The following RIN1 variants were observed in gnomAD, a reference collection of about 807,000 sequenced individuals.
The protein encoded by RIN1 is Ras and Rab interactor 1.
A neutral mutation model predicts 64.9 loss-of-function variants in RIN1; 52 were observed. The observed-to-expected ratio is 0.80, with a 90% confidence interval of 0.64 to 1.01. The LOEUF (loss-of-function observed/expected upper bound fraction) is 1.01. RIN1 is among the 50% of genes least tolerant of loss of function. The pLI is 0.00. For synonymous variants in RIN1, 486 were observed against 483.6 expected, an observed-to-expected ratio of 1.00 and a Z score of -0.06; for missense variants, 1,040 against 1,064.5, an observed-to-expected ratio of 0.98 and a Z score of 0.32.
chr11:66,335,734 G>A (rs1431525160), intron 3 of RIN1, 28 bp downstream of exon 3: 1 of 1,611,656 alleles, frequency 6.2e-7, no homozygotes, highest in African/African-American at 1.3e-5. Flanking sequence ...CCTGCTTCCA[G>A]CCCCTTCCCG....
chr11:66,335,483 GA>G lies in RIN1; in HGVS notation c.470del (p.Leu157ProfsTer50), dbSNP rs781207056. 2.0e-5 allele frequency: 32 copies of G among 1,613,236 alleles called. No homozygotes were observed. The highest frequency in any genetic ancestry group is 2.7e-5 in the Non-Finnish European group (32 of 1,179,366). On this transcript the variant is annotated frameshift_variant, in exon 5 of 10. Coordinates refer to ENST00000311320, the MANE Select transcript of RIN1 (RefSeq NM_004292.3). LOFTEE classifies it high-confidence loss of function. ...GGATGGCTCTGGGGAGCTGCAGCGG[GA>G]GGAGAAGGATGTCCCTGAGGCCAGA... Reference protein sequence around the residue: ...AYCHTRDILLLPLQLPRAIHH... With the variant: ...AYCHTRDILLXPLQLPRAIHH...
intron 7 of RIN1, 52 bp from the exon 8 acceptor site, chr11:66,333,710 G>A (rs757348474): frequency 8.3e-6 from 13 of 1,565,874 alleles, no homozygotes; most frequent in Admixed American, 3.8e-5. Context: ...CTTGCTTTAG[G>A]CAGTGACCCC....
chr11:66,336,016 C>T lies in RIN1; in HGVS notation c.229G>A (p.Ala77Thr). The T allele has an allele frequency of 1.4e-6, 2 of 1,467,106 alleles. No individual in the cohort carries two copies. Among genetic ancestry groups the T allele is most frequent in the Admixed American group, 2.7e-5 (1 of 37,228 alleles). The allele number at this position is 1,467,106 out of a possible 1,614,324, so 90.9% of individuals were successfully genotyped here. ...GTCCTCAGCATGTGCAGTGCGGCCG[C>T]TGCGTTGGCTTGCAGCTGCAGCCAC... Reference protein sequence around the residue: ...PVWLQLQANAAAALHMLRTEP... With the variant: ...PVWLQLQANATAALHMLRTEP... The change falls in exon 2 of 10, where the codon GCG (alanine) becomes ACG (threonine). Residue 77 changes from alanine to threonine, a missense_variant. Ala to Thr is a moderately conservative substitution (Grantham distance 58, BLOSUM62 0). Transcript: ENST00000311320.
Position 66,334,784 on chromosome 11 carries a change from G to T in RIN1, c.1015C>A (p.His339Asn), listed in dbSNP as rs772706135. 3.0e-5 allele frequency: 46 copies of T among 1,548,222 alleles called. No homozygotes were observed. The highest frequency in any genetic ancestry group is 5.9e-5 in the Admixed American group (3 of 51,124). Residue 339 changes from histidine (H) to asparagine (N), a missense_variant, in exon 6 of 10, where the codon CAC (histidine) becomes AAC (asparagine). By Grantham distance (68) the His-to-Asn change is moderately conservative. Coordinates refer to ENST00000311320, the MANE Select transcript of RIN1 (RefSeq NM_004292.3). ...AGCAGAGGTCGTCGGCGGCCCAGGT[G>T]GGGTGAGGTCGCTGGGCTCCCCCGG... is the stretch of plus-strand genomic sequence containing the variant. Reference protein sequence around the residue: ...GSRGSPATSPHLGRRRPLLRS... With the variant: ...GSRGSPATSPNLGRRRPLLRS...
chr11:66,334,584 C>T lies in RIN1; in HGVS notation c.1215G>A (p.Ala405=), dbSNP rs148929007. 1.6e-5 allele frequency: 25 copies of T among 1,584,120 alleles called. No individual in the cohort carries two copies. Among genetic ancestry groups the T allele is most frequent in the South Asian group, 9.2e-5 (8 of 86,938 alleles). Residue 405 remains alanine, a synonymous_variant, in exon 6 of 10, where the codon GCG becomes GCA. Coordinates refer to ENST00000311320, the MANE Select transcript of RIN1 (RefSeq NM_004292.3). The part of the protein sequence containing the change: ...EPQELQGIRQ[A]LSRARAMLSA... Reference sequence around the variant, plus strand: ...TCAGCATGGCCCGGGCCCGGCTCAGCGCCTGACGGATGCCCTGCAGCTCCT... The same window carrying T: ...TCAGCATGGCCCGGGCCCGGCTCAGTGCCTGACGGATGCCCTGCAGCTCCT...
Position 66,332,526 on chromosome 11 carries a change from T to C in RIN1, c.2102A>G (p.Tyr701Cys). ...HRLPTTGYLVYRRAEWPETQG... is the reference protein window; with the variant it reads ...HRLPTTGYLVCRRAEWPETQG... ...GGTCTCAGGCCACTCCGCCCGGCGG[T>C]AGACGAGGTAGCCAGTGGTGGGCAG... The change falls in exon 10 of 10, where the codon TAC becomes TGC. Residue 701 changes from tyrosine to cysteine, a missense_variant. By Grantham distance (194) the Tyr-to-Cys change is radical (BLOSUM62 -2). Coordinates refer to ENST00000311320, the MANE Select transcript of RIN1 (RefSeq NM_004292.3). 6.2e-7 allele frequency: 1 copy of C among 1,613,644 alleles called. No homozygotes were observed.
intron 9 of RIN1, 140 bp downstream of exon 9, chr11:66,333,118 C>T: frequency 9.5e-7 from 1 of 1,049,544 alleles, no homozygotes; most frequent in Non-Finnish European, 1.4e-6. Flanking sequence ...AAGTAACTCG[C>T]CCAAGTCCCC....
At chr11:66,335,564 A>C (rs756387843) in intron 4 of RIN1, 46 bp downstream of exon 4, 15 of 1,612,514 alleles carry the variant, frequency 9.3e-6, no homozygotes, top group Non-Finnish European at 1.3e-5. Flanking sequence ...GGGCTGTCCC[A>C]AGGAGCAGGG....
In RIN1 at chr11:66,332,580, C is replaced by T. The variant is rs146411780; in HGVS notation, c.2048G>A (p.Arg683His). 20 of 1,611,152 alleles carry T rather than the reference C, an allele frequency of 1.2e-5. No individual in the cohort carries two copies. Among genetic ancestry groups the T allele is most frequent in the East Asian group, 2.2e-5 (1 of 44,844 alleles). Residue 683 changes from arginine (R) to histidine (H), a missense_variant, in exon 10 of 10, where the codon CGC becomes CAC. Physicochemically the swap from Arg to His is conservative, Grantham distance 29 (BLOSUM62 0). Coordinates refer to ENST00000311320, the MANE Select transcript of RIN1 (RefSeq NM_004292.3). ...LFLYKEQGYH[R>H]LPPGALAHRL... ...GTGGGCCAGGGCCCCAGGGGGCAGG[C>T]GGTGGTAGCCCTGCTCCTTGTACAG...
chr11:66,333,051 G>A (rs1213507662), intron 9 of RIN1: 1 of 626,734 alleles, frequency 1.6e-6, no homozygotes, highest in Admixed American at 2.9e-5. Context: ...CTCAACCCCA[G>A]GAGGTAGGTC....
chr11:66,335,896 A>C lies in RIN1; in HGVS notation c.268-20T>G. The C allele has an allele frequency of 6.5e-7, 1 of 1,540,748 alleles. No individual in the cohort carries two copies. Among genetic ancestry groups the C allele is most frequent in the Non-Finnish European group, 8.7e-7 (1 of 1,143,196 alleles). The stretch of plus-strand genomic sequence containing the variant: ...GAACGTCTGCAAGTGGATAGGGCTC[A>C]GGCAGCTCAGGACCTTGGCGTCCCA... On this transcript the variant is annotated intron_variant, in intron 2 of 9. Transcript: ENST00000311320.
chr11:66,335,766 A>G lies in RIN1; in HGVS notation c.378T>C (p.Pro126=). The G allele has an allele frequency of 6.2e-7, 1 of 1,613,006 alleles. No homozygotes were observed. The highest frequency in any genetic ancestry group is 8.5e-7 in the Non-Finnish European group (1 of 1,179,582). ...CCCGCCAGGCCAGCCCCTCACCGCCAGGGCTCTCCAGGATGTAGTGGCTGG... is the reference window on the plus strand; with the variant it reads ...CCCGCCAGGCCAGCCCCTCACCGCCGGGGCTCTCCAGGATGTAGTGGCTGG... ...FVSSHYILES[P]GGVSLEGSEL... Residue 126 remains proline (P), a synonymous_variant, in exon 3 of 10, where the codon CCT becomes CCC. Coordinates refer to ENST00000311320, the MANE Select transcript of RIN1 (RefSeq NM_004292.3).
In RIN1 at chr11:66,335,067, G is replaced by A. The variant is rs1472073831; in HGVS notation, c.732C>T (p.Ser244=). The change falls in exon 6 of 10, where the codon AGC becomes AGT. Residue 244 remains serine (S), a synonymous_variant. Coordinates refer to ENST00000311320, the MANE Select transcript of RIN1 (RefSeq NM_004292.3). ...TCTCTGTGGACACGCGCACTTTGAA[G>A]CTTCTCTTGAATTTCTCCCGCTTGG... ...GPTKREKFKR[S]FKVRVSTETS... is the part of the protein sequence containing the mutation. 1.3e-6 allele frequency: 2 copies of A among 1,527,140 alleles called. No individual in the cohort carries two copies. Among genetic ancestry groups the A allele is most frequent in the Admixed American group, 2.2e-5 (1 of 44,964 alleles). The allele number at this position is 1,527,140 out of a possible 1,614,324, so 94.6% of individuals were successfully genotyped here.
At position 66,334,802 on chromosome 11, in the gene RIN1, T is replaced by C; in HGVS notation, c.997A>G (p.Ser333Gly). The C allele has an allele frequency of 6.5e-7, 1 of 1,547,052 alleles. No homozygotes were observed. The highest frequency in any genetic ancestry group is 1.2e-5 in the South Asian group (1 of 84,296). ...EEEGVPGSRG[S>G]PATSPHLGRR... Reference sequence around the variant, plus strand: ...CCCAGGTGGGGTGAGGTCGCTGGGCTCCCCCGGGACCCTGGCACCCCCTCC... The same window carrying C: ...CCCAGGTGGGGTGAGGTCGCTGGGCCCCCCCGGGACCCTGGCACCCCCTCC... Residue 333 changes from serine (S) to glycine (G), a missense_variant, in exon 6 of 10, where the codon AGC becomes GGC. By Grantham distance (56) the Ser-to-Gly change is moderately conservative. Transcript: ENST00000311320.
In RIN1 at chr11:66,332,572, G is replaced by C. The variant is rs2282532; in HGVS notation, c.2056C>G (p.Pro686Ala). The C allele has an allele frequency of 5.0e-6, 8 of 1,612,268 alleles. No individual in the cohort carries two copies. In the South Asian group the frequency reaches 8.8e-5, roughly 18 times the overall value. The change falls in exon 10 of 10, where the codon CCT becomes GCT. Residue 686 changes from proline to alanine, a missense_variant. Transcript: ENST00000311320. ...GGCAGCCTGTGGGCCAGGGCCCCAG[G>C]GGGCAGGCGGTGGTAGCCCTGCTCC... ...YKEQGYHRLP[P>A]GALAHRLPTT...
In RIN1 at chr11:66,335,520, G is replaced by A. The variant is rs192812581; in HGVS notation, c.456-22C>T. The A allele has an allele frequency of 5.8e-4, 933 of 1,613,398 alleles. 5 individuals carry two copies. In the African/African-American group the frequency reaches 0.012, roughly 20 times the overall value. On this transcript the variant is annotated intron_variant, in intron 4 of 9. Coordinates refer to ENST00000311320, the MANE Select transcript of RIN1 (RefSeq NM_004292.3). ...GTCCCTGAGGCCAGAGAGGGGAGCA[G>A]AAGGGAGTGAGGGCCGAAGAGGGCG...
rs756618219 is a variant in RIN1 at position 66,333,377 on chromosome 11, G to A, written c.1756C>T (p.Leu586=). 6.2e-7 allele frequency: 1 copy of A among 1,611,524 alleles called. No homozygotes were observed. Among genetic ancestry groups the A allele is most frequent in the Non-Finnish European group, 8.5e-7 (1 of 1,178,578 alleles). The change falls in exon 9 of 10, where the codon CTG becomes TTG. Residue 586 remains leucine (L), a synonymous_variant. Transcript: ENST00000311320. ...TGACCCAGGCCACTCAGCAGGGCCAGGCTGGCAGAGAGGCTGGTCAGGTAG... is the reference window on the plus strand; with the variant it reads ...TGACCCAGGCCACTCAGCAGGGCCAAGCTGGCAGAGAGGCTGGTCAGGTAG... ...GYYLTSLSAS[L]ALLSGLGQAH... is the part of the protein sequence containing the mutation.
chr11:66,335,567 G>A (rs1310365119), intron 4 of RIN1, 43 bp downstream of exon 4: 3 of 1,612,158 alleles, frequency 1.9e-6, no homozygotes, highest in Admixed American at 3.3e-5. Flanking sequence ...CTGTCCCAAG[G>A]AGCAGGGCCC....
chr11:66,332,290 C>G lies in RIN1; in HGVS notation c.2338G>C (p.Ala780Pro), dbSNP rs751629204. ...PGEPEAEGSR[A>P]AEE ...GCCACTTCAAGCTACTCCTCTGCTG[C>G]CCGGCTTCCCTCTGCCTCTGGTTCC... Residue 780 changes from alanine (A) to proline (P), a missense_variant, in exon 10 of 10, where the codon GCA (alanine) becomes CCA (proline). Transcript: ENST00000311320. 9.3e-6 allele frequency: 15 copies of G among 1,613,936 alleles called. No individual in the cohort carries two copies.
Sources: allele counts gnomAD v4.1 joint callset, GRCh38; gene constraint gnomAD v4.1.1; transcripts MANE v1.5; gene names NCBI Gene and HGNC (gene_info 2026-07-23, HGNC 2026-07-21).